Variants in IL1RAPL1 observed in about 807,000 individuals in gnomAD.
IL1RAPL1 encodes interleukin-1 receptor accessory protein-like 1.
In IL1RAPL1, 3 loss-of-function variants were observed where a neutral mutation model predicts 48.4. That is an observed-to-expected ratio of 0.06 (90% CI 0.03 to 0.16). The LOEUF (loss-of-function observed/expected upper bound fraction) is 0.16, where lower values mean the gene tolerates loss of function less well. Among genes scored for constraint, IL1RAPL1 ranks in the 10% least tolerant of loss-of-function variants. The probability of loss-of-function intolerance (pLI) is 1.00; values close to 1 mark genes in which losing one functional copy is unlikely to be tolerated. For missense variants in IL1RAPL1, 349 were observed against 530.6 expected (o/e 0.66, Z 3.36); for synonymous variants, 185 against 187.7 (o/e 0.99, Z 0.12).
chrX:28,775,279 C>T (rs1936351779), intron 1 of IL1RAPL1, among the ~76,000 whole-genome samples: 1 of 112,111 alleles, frequency 8.9e-6, no homozygotes, highest in Admixed American at 9.5e-5. Context: ...CAAGGCCATG[C>T]TCTCGCAGAA....
chrX:29,631,789 T>C (rs111549345), intron 5 of IL1RAPL1, among the ~76,000 whole-genome samples: 19,169 of 110,062 alleles, frequency 0.17, 1,648 homozygotes, highest in African/African-American at 0.33. Flanking sequence ...AGCAAGACTC[T>C]GTCTCAAATA....
intron 3 of IL1RAPL1, among the ~76,000 whole-genome samples, chrX:29,334,712 A>G (rs1932954339): frequency 9.0e-6 from 1 of 111,044 alleles, no homozygotes; most frequent in Non-Finnish European, 1.9e-5. Context: ...CACATCTCAG[A>G]CGATGGGCGG....
chrX:29,248,190 C>T (rs1003893013), intron 2 of IL1RAPL1, among the ~76,000 whole-genome samples: 7 of 111,620 alleles, frequency 6.3e-5, no homozygotes, highest in Admixed American at 1.9e-4. Flanking sequence ...CTGAAGCAGA[C>T]GGGTCGCTTG....
chrX:29,254,105 G>A (rs1233693552), intron 2 of IL1RAPL1, among the ~76,000 whole-genome samples: 1 of 111,221 alleles, frequency 9.0e-6, no homozygotes, highest in Non-Finnish European at 1.9e-5. Context: ...AGATCTATGT[G>A]TATTTATCCA....
At chrX:29,047,767 G>A (rs950157082) in intron 2 of IL1RAPL1, among the ~76,000 whole-genome samples, 1 of 105,313 alleles carries the variant, frequency 9.5e-6, no homozygotes, top group Non-Finnish European at 1.9e-5. Flanking sequence ...ACTGTCGCCT[G>A]CATTGGAGTA....
At chrX:29,354,214 T>C (rs1021613719) in intron 3 of IL1RAPL1, among the ~76,000 whole-genome samples, 1 of 111,004 alleles carries the variant, frequency 9.0e-6, no homozygotes, top group African/African-American at 3.3e-5. Context: ...GTGCTTTATC[T>C]CAAAGCTTCT....
At chrX:28,733,407 T>G (rs1935780482) in intron 1 of IL1RAPL1, among the ~76,000 whole-genome samples, 1 of 110,835 alleles carries the variant, frequency 9.0e-6, no homozygotes, top group South Asian at 3.9e-4. Context: ...CTCATTTCTC[T>G]TAGACCTCTT....
chrX:28,738,297 A>T (rs182946342), intron 1 of IL1RAPL1, among the ~76,000 whole-genome samples: 8 of 112,093 alleles, frequency 7.1e-5, no homozygotes, highest in African/African-American at 2.3e-4. Flanking sequence ...TGTTAACATT[A>T]TTTTACTTAG....
intron 6 of IL1RAPL1, among the ~76,000 whole-genome samples, chrX:29,692,926 T>G (rs894809423): frequency 1.8e-5 from 2 of 112,085 alleles, no homozygotes; most frequent in Non-Finnish European, 3.8e-5. Context: ...TCTTTTGTTT[T>G]GCACTGGTCA....
chrX:29,693,875 T>C (rs1363551902), intron 6 of IL1RAPL1, among the ~76,000 whole-genome samples: 1 of 110,817 alleles, frequency 9.0e-6, no homozygotes, highest in East Asian at 2.8e-4. Flanking sequence ...GTAGGAATTA[T>C]TGATAGGATA....
rs151268014 is a variant in IL1RAPL1 at position 28,711,195 on chromosome X, G to T, written c.-24-78125G>T. Among the ~76,000 whole-genome samples the T allele has an allele frequency of 4.9e-3, 554 of 111,924 alleles. 4 individuals are homozygous for T. The highest frequency in any genetic ancestry group is 0.017 in the African/African-American group (521 of 30,800). ...CAGTCAAAATGGGGAGAACTGGTCA[G>T]ATTGTAGATTTATTTTGAAAGTAGA... On this transcript the variant is annotated intron_variant, in intron 1 of 10. Transcript: ENST00000378993.
chrX:28,974,879 A>G (rs1003878665), intron 2 of IL1RAPL1, among the ~76,000 whole-genome samples: 3 of 112,323 alleles, frequency 2.7e-5, no homozygotes, highest in Non-Finnish European at 5.6e-5. Context: ...GTGTTTATAT[A>G]GAGTGGAATA....
chrX:29,007,285 C>T (rs1157049972), intron 2 of IL1RAPL1, among the ~76,000 whole-genome samples: 1 of 111,586 alleles, frequency 9.0e-6, no homozygotes, highest in East Asian at 2.8e-4. Flanking sequence ...GTCACATACA[C>T]GTTATATATG....
intron 5 of IL1RAPL1, among the ~76,000 whole-genome samples, chrX:29,439,938 G>A (rs1195678568): frequency 1.1e-5 from 1 of 91,988 alleles, no homozygotes; most frequent in African/African-American, 4.2e-5. Context: ...AGCCTGCACA[G>A]CTACGTTAAA....
intron 6 of IL1RAPL1, among the ~76,000 whole-genome samples, chrX:29,797,102 T>C (rs188011693): frequency 1.9e-4 from 21 of 112,842 alleles, no homozygotes; most frequent in Non-Finnish European, 7.5e-5. Context: ...TTCCAGGGGA[T>C]TTTTTACTAA....
At chrX:29,707,889 T>C (rs1420537907) in intron 6 of IL1RAPL1, among the ~76,000 whole-genome samples, 1 of 109,968 alleles carries the variant, frequency 9.1e-6, no homozygotes, top group Admixed American at 9.8e-5. Context: ...AAGTCACCTC[T>C]ATAGGATTTA....
intron 6 of IL1RAPL1, among the ~76,000 whole-genome samples, chrX:29,766,342 A>ATATATATATATAT (rs1555918099): frequency 4.2e-5 from 2 of 47,542 alleles, no homozygotes; most frequent in African/African-American, 1.8e-4. Context: ...AAAAAAAAAA[A>ATATATATATATAT]ATATATATAT....
chrX:28,847,063 T>C (rs2147294859), intron 2 of IL1RAPL1, among the ~76,000 whole-genome samples: 1 of 111,869 alleles, frequency 8.9e-6, no homozygotes, highest in African/African-American at 3.2e-5. Context: ...TATGTCACAC[T>C]TAGCGACCCC....
intron 3 of IL1RAPL1, among the ~76,000 whole-genome samples, chrX:29,350,194 TA>T (rs1933206662): frequency 7.0e-5 from 3 of 43,075 alleles, no homozygotes; most frequent in African/African-American, 2.6e-4. Context: ...TGTTATTTTA[TA>T]TATATATATA....
Sources: allele counts gnomAD v4.1 joint callset (sites outside exome capture counted in the v4.1 genomes callset), GRCh38; gene constraint gnomAD v4.1.1; transcripts MANE v1.5; gene names NCBI Gene and HGNC (gene_info 2026-07-23, HGNC 2026-07-21).